SEMA6D: variants seen among roughly 807,000 people sequenced by gnomAD.
SEMA6D encodes the protein semaphorin 6D, also known as semaphorin-6D.
Under a neutral mutation model 106.6 loss-of-function variants are expected in SEMA6D, and 35 were observed. The observed-to-expected ratio is 0.33, with a 90% CI of 0.25 to 0.44. SEMA6D has a LOEUF of 0.44. SEMA6D is among the 20% of genes least tolerant of loss of function. The probability of loss-of-function intolerance (pLI) is 1.00; values close to 1 mark genes in which losing one functional copy is unlikely to be tolerated. For missense variants in SEMA6D, 1,185 were observed against 1,345.9 expected, an observed-to-expected ratio of 0.88 and a Z score of 1.87; for synonymous variants, 499 against 487.7, an observed-to-expected ratio of 1.02 and a Z score of -0.31.
At chr15:47,309,176 T>G (rs538900718) in intron 1 of SEMA6D, among the ~76,000 whole-genome samples, 1 of 152,350 alleles carries the variant, frequency 6.6e-6, no homozygotes, top group African/African-American at 2.4e-5. Flanking sequence ...GTTTTGCTTT[T>G]CACAGTTTCA....
intron 3 of SEMA6D, among the ~76,000 whole-genome samples, chr15:47,544,905 G>C (rs1037407868): frequency 1.3e-5 from 2 of 152,036 alleles, no homozygotes; most frequent in African/African-American, 2.4e-5. Flanking sequence ...GATATGAATG[G>C]CTATGTTGAT....
intron 4 of SEMA6D, among the ~76,000 whole-genome samples, chr15:47,699,216 C>T (rs914050922): frequency 6.6e-6 from 1 of 152,038 alleles, no homozygotes; most frequent in Admixed American, 6.6e-5. Flanking sequence ...TATATTTTAC[C>T]TCAAATTAAC....
At chr15:47,341,255 T>C (rs2144485556) in intron 1 of SEMA6D, among the ~76,000 whole-genome samples, 1 of 151,538 alleles carries the variant, frequency 6.6e-6, no homozygotes, top group Non-Finnish European at 1.5e-5. Context: ...GCAGGTGTGG[T>C]GGTGGGCGCC....
rs538971114 is a variant in SEMA6D, at chr15:47,433,527, T to C, written c.-159+21055T>C. ...AGCAGGTTTTAGATTTCAATAAAAA[T>C]TGACCCCTTGTAGAGATGTTTATGT... is the stretch of plus-strand genomic sequence containing the variant. On this transcript the variant is annotated intron_variant, in intron 2 of 19. Transcript: ENST00000558014. Among the ~76,000 whole-genome samples the C allele has an allele frequency of 5.3e-5, 8 of 152,230 alleles. 1 individual carries two copies. The Middle Eastern group carries it at 0.01, about 194-fold the overall frequency.
At chr15:47,328,522 T>C (rs1406794792) in intron 1 of SEMA6D, among the ~76,000 whole-genome samples, 1 of 152,224 alleles carries the variant, frequency 6.6e-6, no homozygotes, top group Non-Finnish European at 1.5e-5. Flanking sequence ...TCAACTGCTG[T>C]AGATGAAGGG....
intron 1 of SEMA6D, among the ~76,000 whole-genome samples, chr15:47,307,169 C>G (rs2036264021): frequency 6.6e-6 from 1 of 152,112 alleles, no homozygotes; most frequent in South Asian, 2.1e-4. Context: ...CTGTTAATCA[C>G]TTAGAATAAT....
intron 2 of SEMA6D, among the ~76,000 whole-genome samples, chr15:47,431,092 A>AAACAAAAG (rs1702644086): frequency 6.6e-6 from 1 of 152,142 alleles, no homozygotes; most frequent in Non-Finnish European, 1.5e-5. Context: ...TTAGATTGAA[A>AAACAAAAG]TAAATTTTTA....
chr15:47,441,292 G>T (rs1367671910), intron 2 of SEMA6D, among the ~76,000 whole-genome samples: 1 of 152,004 alleles, frequency 6.6e-6, no homozygotes, highest in Non-Finnish European at 1.5e-5. Context: ...ATACCATCTG[G>T]AAGGTGAAAG....
chr15:47,649,113 G>A (rs1177939573), intron 4 of SEMA6D, among the ~76,000 whole-genome samples: 1 of 151,988 alleles, frequency 6.6e-6, no homozygotes. Context: ...CCCATTTAAG[G>A]TCCTTCCTGC....
chr15:47,734,327 G>A lies in SEMA6D; in HGVS notation c.-55+16635G>A, dbSNP rs144924324. Among the ~76,000 whole-genome samples, 251 of 152,296 alleles carry A rather than the reference G, an allele frequency of 1.6e-3. 1 individual carries two copies. The highest frequency in any genetic ancestry group is 0.013 in the Admixed American group (203 of 15,296). On this transcript the variant is annotated intron_variant, in intron 1 of 18. Coordinates refer to ENST00000536845, the MANE Select transcript of SEMA6D (RefSeq NM_001358351.3). ...TTTGCCTTCAAAGCATCAAAGTCCAGTAAATCATGGAACAACTGCATGTAG... is the reference window on the plus strand; with the variant it reads ...TTTGCCTTCAAAGCATCAAAGTCCAATAAATCATGGAACAACTGCATGTAG...
At chr15:47,710,612 T>C (rs1012260488) in intron 4 of SEMA6D, among the ~76,000 whole-genome samples, 3 of 152,100 alleles carry the variant, frequency 2.0e-5, no homozygotes, top group African/African-American at 7.2e-5. Context: ...ACACACAGTG[T>C]GTGCAATGAT....
At chr15:47,611,601 G>A (rs1196766157) in intron 4 of SEMA6D, among the ~76,000 whole-genome samples, 1 of 152,166 alleles carries the variant, frequency 6.6e-6, no homozygotes, top group Non-Finnish European at 1.5e-5. Context: ...CATATTTTCT[G>A]TAATGAACAT....
intron 1 of SEMA6D, among the ~76,000 whole-genome samples, chr15:47,270,188 TTA>T (rs1248187523): frequency 1.5e-4 from 23 of 148,470 alleles, no homozygotes; most frequent in Non-Finnish European, 1.9e-4. Flanking sequence ...TTATATTTTA[TTA>T]TATGTTATAT....
At chr15:47,738,922 T>C (rs1333165932) in intron 1 of SEMA6D, among the ~76,000 whole-genome samples, 2 of 152,138 alleles carry the variant, frequency 1.3e-5, no homozygotes, top group Non-Finnish European at 2.9e-5. Flanking sequence ...AGCTCAGGGC[T>C]CAGCTAGGGC....
intron 1 of SEMA6D, among the ~76,000 whole-genome samples, chr15:47,307,235 CTTG>C (rs1180406489): frequency 2.6e-5 from 4 of 152,196 alleles, no homozygotes; most frequent in South Asian, 2.1e-4. Context: ...TAACAAATTC[CTTG>C]TTGTTACTGC....
chr15:47,452,856 T>A (rs1169661023), intron 2 of SEMA6D, among the ~76,000 whole-genome samples: 1 of 152,010 alleles, frequency 6.6e-6, no homozygotes, highest in East Asian at 1.9e-4. Flanking sequence ...TTTATTATGG[T>A]ATCATGTCAA....
At position 47,231,437 on chromosome 15, in the gene SEMA6D, C is replaced by T. The variant is rs535826866; in HGVS notation, c.-239+47019C>T. Among the ~76,000 whole-genome samples the T allele has an allele frequency of 1.2e-4, 18 of 152,052 alleles. No individual in the cohort carries two copies. In the South Asian group the frequency reaches 2.5e-3, roughly 21 times the overall value. On this transcript the variant is annotated intron_variant, in intron 1 of 19. Transcript: ENST00000558014. ...GCTATTACTTGCTATTCTTGCAGGT[C>T]GTTATCCAAAGAGCACGCCCCATTT...
chr15:47,751,689 A>T (rs1325131619), intron 1 of SEMA6D, among the ~76,000 whole-genome samples: 2 of 152,188 alleles, frequency 1.3e-5, no homozygotes, highest in Non-Finnish European at 2.9e-5. Flanking sequence ...ATCAATCTAA[A>T]TTAAACTGGA....
At chr15:47,624,034 C>A (rs938810718) in intron 4 of SEMA6D, among the ~76,000 whole-genome samples, 14 of 152,178 alleles carry the variant, frequency 9.2e-5, no homozygotes, top group Non-Finnish European at 1.8e-4. Context: ...TCTCTCCAAT[C>A]TCCTGTCCCA....
Sources: gnomAD v4.1 joint callset for allele counts (sites outside exome capture counted in the v4.1 genomes callset) on GRCh38, gnomAD v4.1.1 for gene constraint, MANE v1.5 for transcripts, NCBI Gene and HGNC (gene_info 2026-07-23, HGNC 2026-07-21) for gene names.